Variants in PSMD11 observed in about 807,000 individuals in gnomAD.
PSMD11 encodes 26S proteasome non-ATPase regulatory subunit 11.
Under a neutral mutation model 62.3 loss-of-function variants are expected in PSMD11, and 5 were observed. The ratio of observed to expected loss-of-function variants is 0.08; its 90% CI spans 0.04 to 0.17. PSMD11 has a LOEUF of 0.17. Ranked by LOEUF, PSMD11 falls within the 10% of genes least tolerant of loss-of-function variation. PSMD11 has a pLI of 1.00. For missense variants in PSMD11, 310 were observed against 512.9 expected, an observed-to-expected ratio of 0.60 and a Z score of 3.82; for synonymous variants, 191 against 191.8, an observed-to-expected ratio of 1.00 and a Z score of 0.03.
intron 3 of PSMD11, among the ~76,000 whole-genome samples, chr17:32,460,641 C>T (rs543542871): frequency 2.0e-5 from 3 of 151,164 alleles, no homozygotes; most frequent in Non-Finnish European, 4.4e-5. Flanking sequence ...GGTGTGGTGG[C>T]GGGCGCCTGA....
intron 3 of PSMD11, among the ~76,000 whole-genome samples, chr17:32,461,409 A>G (rs547372621): frequency 6.6e-6 from 1 of 152,182 alleles, no homozygotes; most frequent in East Asian, 1.9e-4. Context: ...CCTCTCTACT[A>G]AAAATACGAA....
intron 2 of PSMD11, among the ~76,000 whole-genome samples, chr17:32,450,432 T>TA (rs1237206257): frequency 6.7e-6 from 1 of 149,960 alleles, no homozygotes; most frequent in Non-Finnish European, 1.5e-5. Context: ...ATTTTTTTTT[T>TA]TTTTTTTTTC....
In PSMD11 at chr17:32,483,254, AC is replaced by A. The variant is rs1198214142; in HGVS notation, c.*2503del. 10 of 152,232 alleles carry A rather than the reference AC, an allele frequency of 6.6e-5. No homozygotes were observed. Among genetic ancestry groups the A allele is most frequent in the African/African-American group, 2.4e-4 (10 of 41,462 alleles). 9.4% of individuals were successfully genotyped at this position (152,232 alleles called of 1,614,324 possible). A position where few individuals can be genotyped will look rare whatever the true frequency, so the allele number is the denominator to read the frequency against. ...AAAAGGAGTGTAAAATATGTCAATAACTTTTTTATATATGTGTTGAAATATT... is the reference window on the plus strand; with the variant it reads ...AAAAGGAGTGTAAAATATGTCAATAATTTTTTATATATGTGTTGAAATATT... On this transcript the variant is annotated 3_prime_UTR_variant, in exon 14 of 14. Transcript: ENST00000261712.
intron 2 of PSMD11, among the ~76,000 whole-genome samples, chr17:32,453,003 T>C (rs921740401): frequency 5.3e-5 from 8 of 152,180 alleles, no homozygotes; most frequent in African/African-American, 1.9e-4. Flanking sequence ...TTTAAAGCCA[T>C]GTGAAAGAAG....
chr17:32,469,363 A>G (rs1281589182), intron 6 of PSMD11, among the ~76,000 whole-genome samples, 170 bp downstream of exon 6: 2 of 152,118 alleles, frequency 1.3e-5, no homozygotes, highest in African/African-American at 4.8e-5. Flanking sequence ...CCTCCTGTTA[A>G]CTGCCTAAAA....
At position 32,453,981 on chromosome 17, in the gene PSMD11, G is replaced by C. The variant is rs1032651716; in HGVS notation, c.194-514G>C. Among the ~76,000 whole-genome samples the C allele has an allele frequency of 4.6e-5, 7 of 152,182 alleles. No homozygotes were observed. The East Asian group carries it at 1.3e-3, about 29-fold the overall frequency. On this transcript the variant is annotated intron_variant, in intron 2 of 13. Coordinates refer to ENST00000261712, the MANE Select transcript of PSMD11 (RefSeq NM_002815.4). ...TGCCAGGGAAGTGACAATGCAGAAAGGCTAAACTGGGGAGCACTGCAGAAA... is the reference window on the plus strand; with the variant it reads ...TGCCAGGGAAGTGACAATGCAGAAACGCTAAACTGGGGAGCACTGCAGAAA...
chr17:32,466,806 A>T (rs970849098), intron 5 of PSMD11, among the ~76,000 whole-genome samples: 4 of 151,950 alleles, frequency 2.6e-5, no homozygotes, highest in Non-Finnish European at 5.9e-5. Flanking sequence ...CCTTACCAAC[A>T]CTTGTTATTT....
At chr17:32,458,131 GTTCT>G (rs1184814622) in intron 3 of PSMD11, among the ~76,000 whole-genome samples, 2 of 152,046 alleles carry the variant, frequency 1.3e-5, no homozygotes, top group Non-Finnish European at 2.9e-5. Context: ...ATCTAGTTTG[GTTCT>G]TAATTTTTTT....
rs1051077277 is a variant in PSMD11 at position 32,464,959 on chromosome 17, C to T, written c.448+381C>T. The stretch of plus-strand genomic sequence containing the variant: ...CTTACTGTCCTATTTACTATATCTG[C>T]TTATATACTTAAAATCTATTTTAAA... On this transcript the variant is annotated intron_variant, in intron 5 of 13. Transcript: ENST00000261712. Among the ~76,000 whole-genome samples, 27 of 152,102 alleles carry T rather than the reference C, an allele frequency of 1.8e-4. 1 individual carries two copies. The East Asian group carries it at 2.3e-3, about 13-fold the overall frequency.
chr17:32,452,146 G>A (rs1389565811), intron 2 of PSMD11, among the ~76,000 whole-genome samples: 1 of 152,278 alleles, frequency 6.6e-6, no homozygotes, highest in Non-Finnish European at 1.5e-5. Context: ...TTTCCACATT[G>A]TGTGTGACTG....
Position 32,480,000 on chromosome 17 carries a change from G to A in PSMD11, c.1074+114G>A, listed in dbSNP as rs201696096. 244 of 1,486,840 alleles carry A rather than the reference G, an allele frequency of 1.6e-4. No individual in the cohort carries two copies. The African/African-American group carries it at 3.0e-3, about 19-fold the overall frequency. The allele number at this position is 1,486,840 out of a possible 1,614,324, so 92.1% of individuals were successfully genotyped here. On this transcript the variant is annotated intron_variant, in intron 11 of 13. Coordinates refer to ENST00000261712, the MANE Select transcript of PSMD11 (RefSeq NM_002815.4). ...GCTCCCCAGCTTCTCAGTGGGGAATGGGCAGTGTGGACTAGAGTAGGAGTT... is the reference window on the plus strand; with the variant it reads ...GCTCCCCAGCTTCTCAGTGGGGAATAGGCAGTGTGGACTAGAGTAGGAGTT...
chr17:32,478,987 C>T (rs907888651), intron 9 of PSMD11, among the ~76,000 whole-genome samples: 3 of 152,084 alleles, frequency 2.0e-5, no homozygotes, highest in Non-Finnish European at 4.4e-5. Flanking sequence ...GTTGCCCAAG[C>T]TGGACTTGAA....
At chr17:32,479,647 G>C in intron 10 of PSMD11, 1 of 708,878 alleles carries the variant, frequency 1.4e-6, no homozygotes, top group South Asian at 1.9e-5. Flanking sequence ...TCTGTATTGG[G>C]TGTGTGGGAT....
chr17:32,475,554 G>T (rs957743732), intron 8 of PSMD11, among the ~76,000 whole-genome samples: 1 of 151,222 alleles, frequency 6.6e-6, no homozygotes. Context: ...CTCTGGAGGA[G>T]TGGCCACATA....
At chr17:32,466,772 A>G (rs568816407) in intron 5 of PSMD11, among the ~76,000 whole-genome samples, 9 of 152,278 alleles carry the variant, frequency 5.9e-5, no homozygotes, top group Admixed American at 5.2e-4. Flanking sequence ...TTAACATTGT[A>G]TGAGGGTTCC....
intron 2 of PSMD11, among the ~76,000 whole-genome samples, chr17:32,449,833 A>G (rs996277903): frequency 2.6e-5 from 4 of 152,176 alleles, no homozygotes; most frequent in Non-Finnish European, 5.9e-5. Context: ...ATTAATGTTC[A>G]GTTTTTTTAT....
chr17:32,453,193 A>G (rs1166254773), intron 2 of PSMD11, among the ~76,000 whole-genome samples: 1 of 152,186 alleles, frequency 6.6e-6, no homozygotes, highest in Non-Finnish European at 1.5e-5. Context: ...TCATTACATA[A>G]TATAATTGAA....
intron 3 of PSMD11, among the ~76,000 whole-genome samples, chr17:32,459,455 C>G (rs1453913180): frequency 1.3e-5 from 2 of 152,004 alleles, no homozygotes; most frequent in Admixed American, 1.3e-4. Flanking sequence ...TCAGGCTGGT[C>G]TCAAACTTCT....
chr17:32,479,191 G>T, intron 9 of PSMD11, 60 bp from the exon 10 acceptor site: 1 of 1,590,938 alleles, frequency 6.3e-7, no homozygotes. Context: ...TAGGAAGCAG[G>T]AGTAGCATGA....
Sources: allele counts gnomAD v4.1 joint callset (sites outside exome capture counted in the v4.1 genomes callset), GRCh38; gene constraint gnomAD v4.1.1; transcripts MANE v1.5; gene names NCBI Gene and HGNC (gene_info 2026-07-23, HGNC 2026-07-21).